Variants in XKR4 observed in about 807,000 individuals in gnomAD.
XKR4 encodes XK-related protein 4.
In XKR4, 12 loss-of-function variants were observed where a neutral mutation model predicts 53.9. The observed-to-expected ratio is 0.22, with a 90% CI of 0.14 to 0.36. The LOEUF (loss-of-function observed/expected upper bound fraction) is 0.36. Ranked by LOEUF, XKR4 falls within the 10% of genes least tolerant of loss-of-function variation. The pLI is 1.00. For missense variants in XKR4, 799 were observed against 859.5 expected, an observed-to-expected ratio of 0.93 and a Z score of 0.88; for synonymous variants, 354 against 362.4, an observed-to-expected ratio of 0.98 and a Z score of 0.26.
At chr8:55,336,061 A>G (rs1258344626) in intron 1 of XKR4, among the ~76,000 whole-genome samples, 1 of 146,796 alleles carries the variant, frequency 6.8e-6, no homozygotes, top group Non-Finnish European at 1.5e-5. Flanking sequence ...AAAAAAAAAG[A>G]AAAGAAAAAC....
At chr8:55,489,647 T>C (rs754759322) in intron 2 of XKR4, among the ~76,000 whole-genome samples, 66 of 152,094 alleles carry the variant, frequency 4.3e-4, no homozygotes, top group Non-Finnish European at 8.7e-4. Context: ...ACTAGATCTA[T>C]TCACTTAATA....
chr8:55,130,505 T>C (rs1378230481), intron 1 of XKR4, among the ~76,000 whole-genome samples: 2 of 152,202 alleles, frequency 1.3e-5, no homozygotes, highest in Non-Finnish European at 2.9e-5. Context: ...CCTGGAAGTC[T>C]TGTCAGCCAA....
At chr8:55,515,297 G>T (rs912839133) in intron 2 of XKR4, among the ~76,000 whole-genome samples, 5 of 152,104 alleles carry the variant, frequency 3.3e-5, no homozygotes, top group African/African-American at 1.2e-4. Context: ...AGATAAAATG[G>T]CTTCAGTGCA....
rs1819246911 is a variant in XKR4, at chr8:55,303,845, C to T, written c.807-53833C>T. On this transcript the variant is annotated intron_variant, in intron 1 of 2. Coordinates refer to ENST00000327381, the MANE Select transcript of XKR4 (RefSeq NM_052898.2). ...ATTTCTGTGGGATCGGTGGTGATAT[C>T]CCCTTTATCATTTTTTATTGCATCT... Among the ~76,000 whole-genome samples the T allele has an allele frequency of 3.3e-5, 5 of 152,106 alleles. No homozygotes were observed. The South Asian group carries it at 1.0e-3, about 32-fold the overall frequency.
At chr8:55,413,050 T>G (rs1804798268) in intron 2 of XKR4, among the ~76,000 whole-genome samples, 2 of 152,200 alleles carry the variant, frequency 1.3e-5, no homozygotes, top group African/African-American at 4.8e-5. Flanking sequence ...TGAAACCAGA[T>G]TTACCCTGAG....
rs1227523855 is a variant in XKR4 at position 55,538,322 on chromosome 8, G to C, written c.*14095G>C. 6.6e-6 allele frequency: 1 copy of C among 152,178 alleles called. No individual in the cohort carries two copies. The highest frequency in any genetic ancestry group is 1.5e-5 in the Non-Finnish European group (1 of 68,042). The allele number at this position is 152,178 out of a possible 1,614,324, so 9.4% of individuals were successfully genotyped here. On this transcript the variant is annotated 3_prime_UTR_variant, in exon 3 of 3. Coordinates refer to ENST00000327381, the MANE Select transcript of XKR4 (RefSeq NM_052898.2). Reference sequence around the variant, plus strand: ...ATAGGGGTGTTGTGGAGATTAGCTAGATTTGCTAAAGTGCTTGTAGGTTAG... The same window carrying C: ...ATAGGGGTGTTGTGGAGATTAGCTACATTTGCTAAAGTGCTTGTAGGTTAG...
chr8:55,540,880 A>T lies in XKR4; in HGVS notation c.*16653A>T, dbSNP rs1408120733. ...AGCCTGAGTTACAAATGACATGACTAGGGATACAAACTTCGTCTGTACTAA... is the reference window on the plus strand; with the variant it reads ...AGCCTGAGTTACAAATGACATGACTTGGGATACAAACTTCGTCTGTACTAA... On this transcript the variant is annotated 3_prime_UTR_variant, in exon 3 of 3. Transcript: ENST00000327381. The T allele has an allele frequency of 6.6e-6, 1 of 152,206 alleles. No homozygotes were observed. Among genetic ancestry groups the T allele is most frequent in the East Asian group, 1.9e-4 (1 of 5,190 alleles). The allele number at this position is 152,206 out of a possible 1,614,324, so 9.4% of individuals were successfully genotyped here. A position where few individuals can be genotyped will look rare whatever the true frequency, so the allele number is the denominator to read the frequency against.
chr8:55,420,698 G>C (rs1345330920), intron 2 of XKR4, among the ~76,000 whole-genome samples: 1 of 151,788 alleles, frequency 6.6e-6, no homozygotes, highest in African/African-American at 2.4e-5. Flanking sequence ...TGACGAGTTA[G>C]TGGGTGCAGC....
intron 1 of XKR4, among the ~76,000 whole-genome samples, chr8:55,307,365 G>A (rs78419442): frequency 6.6e-6 from 1 of 152,314 alleles, no homozygotes; most frequent in South Asian, 2.1e-4. Context: ...AGCATATACA[G>A]GAGGGGTGCA....
chr8:55,463,465 C>T (rs1293913725), intron 2 of XKR4, among the ~76,000 whole-genome samples: 2 of 151,356 alleles, frequency 1.3e-5, no homozygotes, highest in African/African-American at 2.4e-5. Flanking sequence ...CTCTGGGACA[C>T]ATTCAAAGCA....
intron 1 of XKR4, among the ~76,000 whole-genome samples, chr8:55,207,921 G>T (rs981539790): frequency 3.9e-5 from 6 of 152,152 alleles, no homozygotes; most frequent in African/African-American, 1.2e-4. Context: ...AACTGCTTCA[G>T]GAAACCATGT....
intron 1 of XKR4, among the ~76,000 whole-genome samples, chr8:55,332,060 G>T (rs1427648192): frequency 6.6e-6 from 1 of 151,640 alleles, no homozygotes; most frequent in East Asian, 1.9e-4. Context: ...TTGATTTTTT[G>T]TGGTGACATG....
rs570813947 is a variant in XKR4, at chr8:55,532,414, T to C, written c.*8187T>C. The C allele has an allele frequency of 1.3e-5, 2 of 152,244 alleles. No individual in the cohort carries two copies. The highest frequency in any genetic ancestry group is 2.1e-4 in the South Asian group (1 of 4,828). 9.4% of individuals were successfully genotyped at this position (152,244 alleles called of 1,614,324 possible). A position where few individuals can be genotyped will look rare whatever the true frequency, so the allele number is the denominator to read the frequency against. On this transcript the variant is annotated 3_prime_UTR_variant, in exon 3 of 3. Coordinates refer to ENST00000327381, the MANE Select transcript of XKR4 (RefSeq NM_052898.2). Reference sequence around the variant, plus strand: ...CAATACCAAAACTAATTAATCAAAATATTAAGCAAATATTACCAGCACAGT... The same window carrying C: ...CAATACCAAAACTAATTAATCAAAACATTAAGCAAATATTACCAGCACAGT...
intron 1 of XKR4, among the ~76,000 whole-genome samples, chr8:55,322,014 AAAT>A: frequency 6.6e-6 from 1 of 150,518 alleles, no homozygotes; most frequent in Admixed American, 6.6e-5. Flanking sequence ...AACAAACAAA[AAAT>A]AACTTATCTT....
intron 1 of XKR4, among the ~76,000 whole-genome samples, chr8:55,335,278 A>G (rs1224770237): frequency 6.6e-6 from 1 of 152,188 alleles, no homozygotes; most frequent in Non-Finnish European, 1.5e-5. Context: ...CCAAAGAATC[A>G]TTTACTTCAC....
intron 1 of XKR4, among the ~76,000 whole-genome samples, chr8:55,115,592 G>A (rs1002201540): frequency 2.0e-5 from 3 of 152,104 alleles, no homozygotes; most frequent in African/African-American, 7.2e-5. Flanking sequence ...AGACCATCCT[G>A]GCCAACATGG....
intron 2 of XKR4, among the ~76,000 whole-genome samples, chr8:55,465,587 A>C (rs1805752600): frequency 6.6e-6 from 1 of 151,754 alleles, no homozygotes; most frequent in Admixed American, 6.6e-5. Flanking sequence ...CAAGGACTTC[A>C]TGTCTAAAAC....
intron 1 of XKR4, among the ~76,000 whole-genome samples, chr8:55,200,299 T>G (rs1817563396): frequency 6.6e-6 from 1 of 152,162 alleles, no homozygotes; most frequent in African/African-American, 2.4e-5. Flanking sequence ...AACTCCTGAC[T>G]TCACGTGATC....
rs559495608 is a variant in XKR4, at chr8:55,467,023, G to T, written c.1007-56258G>T. On this transcript the variant is annotated intron_variant, in intron 2 of 2. Transcript: ENST00000327381. ...AGGGACCTAGTCAGGGCTTGGCTGGGTTTTCCACTCTGTGTCTCACAAGGC... is the reference window on the plus strand; with the variant it reads ...AGGGACCTAGTCAGGGCTTGGCTGGTTTTTCCACTCTGTGTCTCACAAGGC... Among the ~76,000 whole-genome samples the T allele has an allele frequency of 5.9e-5, 9 of 152,238 alleles. 1 individual carries two copies. The highest frequency in any genetic ancestry group is 1.9e-4 in the African/African-American group (8 of 41,498).
Sources: allele counts gnomAD v4.1 joint callset (sites outside exome capture counted in the v4.1 genomes callset), GRCh38; gene constraint gnomAD v4.1.1; transcripts MANE v1.5; gene names NCBI Gene and HGNC (gene_info 2026-07-23, HGNC 2026-07-21).